TSPAN9: variants seen among roughly 807,000 people sequenced by gnomAD.
The protein encoded by TSPAN9 is tetraspanin 9, also known as tetraspanin-9.
TSPAN9 carries 16 observed loss-of-function variants against 31.0 expected under a neutral mutation model. That is an observed-to-expected ratio of 0.52 (90% CI 0.35 to 0.78). The LOEUF is 0.78. TSPAN9 is among the 30% of genes least tolerant of loss of function. TSPAN9 has a pLI of 0.01. For synonymous variants in TSPAN9, 145 were observed against 121.6 expected (o/e 1.19, Z -1.27); for missense variants, 272 against 312.5 (o/e 0.87, Z 0.98).
At chr12:3,090,273 A>G (rs931341146) in intron 2 of TSPAN9, among the ~76,000 whole-genome samples, 2 of 152,210 alleles carry the variant, frequency 1.3e-5, no homozygotes, top group African/African-American at 2.4e-5. Context: ...ACTGAGGTCT[A>G]TGCTGCATAG....
chr12:3,245,007 T>C (rs954129197), intron 3 of TSPAN9, among the ~76,000 whole-genome samples: 2 of 152,198 alleles, frequency 1.3e-5, no homozygotes, highest in Non-Finnish European at 2.9e-5. Context: ...TCCCGGTCTT[T>C]CCAAGGACTC....
At chr12:3,106,101 C>G (rs2153964862) in intron 2 of TSPAN9, among the ~76,000 whole-genome samples, 1 of 152,380 alleles carries the variant, frequency 6.6e-6, no homozygotes, top group East Asian at 1.9e-4. Flanking sequence ...CACGCACACA[C>G]ACACATGCCT....
chr12:3,234,932 G>A (rs1322149896), intron 3 of TSPAN9, among the ~76,000 whole-genome samples: 1 of 151,072 alleles, frequency 6.6e-6, no homozygotes, highest in Non-Finnish European at 1.5e-5. Flanking sequence ...AGGCCAAGGT[G>A]GGTGGATTAC....
chr12:3,182,605 A>G (rs551555498), intron 2 of TSPAN9, among the ~76,000 whole-genome samples: 1 of 152,286 alleles, frequency 6.6e-6, no homozygotes, highest in Non-Finnish European at 1.5e-5. Flanking sequence ...AAGGTAACTC[A>G]GCAGGAATAC....
At chr12:3,268,893 C>A (rs1862606371) in intron 3 of TSPAN9, among the ~76,000 whole-genome samples, 1 of 117,254 alleles carries the variant, frequency 8.5e-6, no homozygotes, top group African/African-American at 3.5e-5. Context: ...TGCAGCCTGC[C>A]CTCTCTGTGT....
intron 2 of TSPAN9, among the ~76,000 whole-genome samples, chr12:3,178,570 C>T (rs1277575297): frequency 2.0e-5 from 3 of 152,176 alleles, no homozygotes; most frequent in Admixed American, 6.5e-5. Context: ...GGATTATAGG[C>T]GTGAGCCACT....
intron 3 of TSPAN9, among the ~76,000 whole-genome samples, chr12:3,252,123 C>G (rs767624450): frequency 6.6e-6 from 1 of 152,130 alleles, no homozygotes; most frequent in Non-Finnish European, 1.5e-5. Flanking sequence ...AACCATGGAG[C>G]GCCCCCCGCA....
chr12:3,235,194 A>T (rs2098392778), intron 3 of TSPAN9, among the ~76,000 whole-genome samples: 1 of 48,054 alleles, frequency 2.1e-5, no homozygotes, highest in African/African-American at 9.0e-5. Context: ...AAAAAAAAAA[A>T]AAAAAAAAAA....
At chr12:3,261,607 T>G (rs1001745933) in intron 3 of TSPAN9, among the ~76,000 whole-genome samples, 2 of 152,328 alleles carry the variant, frequency 1.3e-5, no homozygotes, top group Admixed American at 1.3e-4. Flanking sequence ...AAGATGTGAC[T>G]CGGGGCATGC....
chr12:3,127,521 AATTTTTTGT>A (rs1292194675), intron 2 of TSPAN9, among the ~76,000 whole-genome samples: 6 of 151,746 alleles, frequency 4.0e-5, no homozygotes, highest in African/African-American at 1.5e-4. Context: ...ATGCCCGGCT[AATTTTTTGT>A]ATTTTTAGTA....
rs116048138 is a variant in TSPAN9, at chr12:3,158,879, G to A, written c.-17-42298G>A. Among the ~76,000 whole-genome samples, 685 of 151,962 alleles carry A rather than the reference G, an allele frequency of 4.5e-3. 2 individuals are homozygous for A. Among genetic ancestry groups the A allele is most frequent in the African/African-American group, 0.015 (629 of 41,438 alleles). ...CAGTGGAATTAGGCACAGTCTTCGC[G>A]GATTAGCTGGAGTGCCAGCTCCTTT... On this transcript the variant is annotated intron_variant, in intron 2 of 8. Coordinates refer to ENST00000011898, the MANE Select transcript of TSPAN9 (RefSeq NM_006675.5).
chr12:3,206,579 C>G (rs2098375319), intron 3 of TSPAN9, among the ~76,000 whole-genome samples: 1 of 151,834 alleles, frequency 6.6e-6, no homozygotes, highest in Admixed American at 6.6e-5. Context: ...AACAGCCTTC[C>G]TTTTGTTTTG....
At chr12:3,245,314 G>T (rs1326754083) in intron 3 of TSPAN9, among the ~76,000 whole-genome samples, 2 of 152,202 alleles carry the variant, frequency 1.3e-5, no homozygotes, top group Admixed American at 1.3e-4. Flanking sequence ...TGGTGCCCAG[G>T]GGATGCAGGA....
chr12:3,151,980 A>C (rs536816996), intron 2 of TSPAN9, among the ~76,000 whole-genome samples: 3 of 152,296 alleles, frequency 2.0e-5, no homozygotes, highest in African/African-American at 7.2e-5. Context: ...AAAGCCCAAC[A>C]ATCAGGCGTA....
intron 3 of TSPAN9, chr12:3,211,945 C>G: frequency 8.3e-7 from 1 of 1,207,786 alleles, no homozygotes; most frequent in South Asian, 1.3e-5. Flanking sequence ...TCGTCACCAC[C>G]GGAAAGCAAA....
intron 2 of TSPAN9, among the ~76,000 whole-genome samples, chr12:3,136,182 G>T (rs1434121043): frequency 1.3e-5 from 2 of 152,172 alleles, no homozygotes; most frequent in East Asian, 1.9e-4. Flanking sequence ...GAAGCACTTC[G>T]TGAGCCAGGG....
intron 1 of TSPAN9, among the ~76,000 whole-genome samples, chr12:3,080,165 C>T (rs2098297198): frequency 6.6e-6 from 1 of 152,154 alleles, no homozygotes; most frequent in South Asian, 2.1e-4. Context: ...CCTCCTCTTT[C>T]CAACTCTCTG....
chr12:3,277,504 C>T (rs897004999), intron 3 of TSPAN9, among the ~76,000 whole-genome samples: 2 of 152,246 alleles, frequency 1.3e-5, no homozygotes, highest in Non-Finnish European at 2.9e-5. Context: ...TGTAGCTTTT[C>T]TGGCATGGCA....
At chr12:3,243,996 C>T (rs2098398001) in intron 3 of TSPAN9, among the ~76,000 whole-genome samples, 1 of 152,236 alleles carries the variant, frequency 6.6e-6, no homozygotes, top group Non-Finnish European at 1.5e-5. Flanking sequence ...CATAAGTTCT[C>T]TGGTGCCTGG....
Sources: gnomAD v4.1 joint callset for allele counts (sites outside exome capture counted in the v4.1 genomes callset) on GRCh38, gnomAD v4.1.1 for gene constraint, MANE v1.5 for transcripts, NCBI Gene and HGNC (gene_info 2026-07-23, HGNC 2026-07-21) for gene names.